Variants in USP49 observed in about 807,000 individuals in gnomAD.
USP49 encodes ubiquitin carboxyl-terminal hydrolase 49.
Under a neutral mutation model 58.6 loss-of-function variants are expected in USP49, and 24 were observed. That is an observed-to-expected ratio of 0.41 (90% CI 0.30 to 0.58). USP49 has a LOEUF of 0.58. Ranked by LOEUF, USP49 falls within the 20% of genes least tolerant of loss-of-function variation. The pLI, the probability that USP49 is intolerant of heterozygous loss-of-function variation, is 0.30. For synonymous variants in USP49, 408 were observed against 365.1 expected (o/e 1.12, Z -1.34); for missense variants, 703 against 866.1 (o/e 0.81, Z 2.36).
intron 3 of USP49, among the ~76,000 whole-genome samples, chr6:41,833,171 C>A (rs1773666305): frequency 6.6e-6 from 1 of 151,966 alleles, no homozygotes. Context: ...TGCCCGCCAC[C>A]ATGCCCGGCG....
chr6:41,876,417 C>CT (rs796968116), intron 2 of USP49, among the ~76,000 whole-genome samples: 52 of 147,618 alleles, frequency 3.5e-4, no homozygotes, highest in African/African-American at 6.2e-4. Context: ...TCTAATTGAA[C>CT]TTTTTTTTTT....
chr6:41,804,317 T>TC (rs1377362147), intron 4 of USP49, among the ~76,000 whole-genome samples: 2 of 152,212 alleles, frequency 1.3e-5, no homozygotes, highest in African/African-American at 4.8e-5. Context: ...CTGCAAGTTA[T>TC]CATGCAGTCA....
chr6:41,825,791 G>A (rs1349876837), intron 3 of USP49, among the ~76,000 whole-genome samples: 1 of 152,082 alleles, frequency 6.6e-6, no homozygotes. Context: ...ACCATTGAAT[G>A]TTTATTATTT....
At chr6:41,893,106 G>C (rs892178070) in intron 1 of USP49, among the ~76,000 whole-genome samples, 3 of 152,124 alleles carry the variant, frequency 2.0e-5, no homozygotes, top group African/African-American at 7.2e-5. Flanking sequence ...CAAAGACCAA[G>C]CTTGCTGCAG....
At chr6:41,863,289 T>C (rs1774254667) in intron 3 of USP49, among the ~76,000 whole-genome samples, 1 of 152,198 alleles carries the variant, frequency 6.6e-6, no homozygotes, top group African/African-American at 2.4e-5. Context: ...AGGCTCTTCA[T>C]TATGATAGCT....
intron 2 of USP49, among the ~76,000 whole-genome samples, chr6:41,885,597 G>C (rs945563144): frequency 6.6e-6 from 1 of 152,066 alleles, no homozygotes; most frequent in Admixed American, 6.6e-5. Context: ...TCAGGAGTTC[G>C]AGATCAGCCT....
At chr6:41,847,965 A>G (rs780089456) in intron 3 of USP49, among the ~76,000 whole-genome samples, 3 of 152,224 alleles carry the variant, frequency 2.0e-5, no homozygotes, top group Non-Finnish European at 4.4e-5. Context: ...TCTAGAGAGG[A>G]TCATAAAGAC....
chr6:41,806,799 C>A lies in USP49; in HGVS notation c.185G>T (p.Gly62Val). The change falls in exon 4 of 8, where the codon GGA becomes GTA. Residue 62 changes from glycine (G) to valine (V), a missense_variant. This residue lies in a region of USP49 where 376 missense variants were observed against 373.5 expected (regional missense o/e 1.01). Transcript: ENST00000682992. This position sits in a 1 kb window ranked among gnomAD's most constrained non-coding sequence, Gnocchi z 5.9. ...DHALKHFEET[G>V]HPLAMEVRDL... ...CCGGACTTCCATGGCTAGCGGGTGT[C>A]CCGTCTCCTCAAAGTGTTTCAGGGC... The A allele has an allele frequency of 6.2e-7, 1 of 1,614,208 alleles. No homozygotes were observed. The highest frequency in any genetic ancestry group is 8.5e-7 in the Non-Finnish European group (1 of 1,180,034).
At chr6:41,853,768 G>A (rs1447386380) in intron 3 of USP49, among the ~76,000 whole-genome samples, 3 of 150,150 alleles carry the variant, frequency 2.0e-5, no homozygotes, top group Admixed American at 6.6e-5. Context: ...AGGCCAAGGC[G>A]GGCAGATCAC....
chr6:41,826,600 T>C (rs551649540), intron 3 of USP49, among the ~76,000 whole-genome samples: 1 of 152,012 alleles, frequency 6.6e-6, no homozygotes, highest in African/African-American at 2.4e-5. Context: ...TGATATAAAA[T>C]GTCTCCAAAA....
chr6:41,875,409 C>G lies in USP49; in HGVS notation c.-102-3772G>C, dbSNP rs1302955609. 3.9e-5 allele frequency among the ~76,000 whole-genome samples: 6 copies of G among 152,164 alleles called. No homozygotes were observed. In the East Asian group the frequency reaches 9.6e-4, roughly 24 times the overall value. ...GTATCTCATCTGTAAGTGTCTTGCC[C>G]TGTAAGCTCCTGGAGGAGAGAAATA... On this transcript the variant is annotated intron_variant, in intron 2 of 7. Coordinates refer to ENST00000682992, the MANE Select transcript of USP49 (RefSeq NM_001286554.2).
intron 5 of USP49, among the ~76,000 whole-genome samples, chr6:41,800,801 G>C (rs1176278685): frequency 6.6e-6 from 1 of 152,146 alleles, no homozygotes; most frequent in Non-Finnish European, 1.5e-5. Flanking sequence ...TTTTTCTTTA[G>C]CATGATTTGC....
chr6:41,826,022 G>C (rs962007932), intron 3 of USP49, among the ~76,000 whole-genome samples: 1 of 152,200 alleles, frequency 6.6e-6, no homozygotes, highest in Non-Finnish European at 1.5e-5. Flanking sequence ...CCGGCACTTT[G>C]GGAGACCGAG....
intron 5 of USP49, among the ~76,000 whole-genome samples, chr6:41,802,250 G>A (rs1314057186): frequency 6.6e-6 from 1 of 151,644 alleles, no homozygotes; most frequent in African/African-American, 2.4e-5. Flanking sequence ...TCAAACTCCT[G>A]GCTTCAGGCA....
intron 3 of USP49, among the ~76,000 whole-genome samples, chr6:41,833,308 G>A (rs1237254974): frequency 1.3e-5 from 2 of 151,984 alleles, no homozygotes; most frequent in Admixed American, 6.6e-5. Flanking sequence ...GAGCCACCAC[G>A]CCCGGCCTTG....
In USP49 at chr6:41,810,318, TA is replaced by T. The variant is rs1411182021; in HGVS notation, c.-28-3308del. Among the ~76,000 whole-genome samples, 29 of 138,758 alleles carry T rather than the reference TA, an allele frequency of 2.1e-4. 1 individual carries two copies. Among genetic ancestry groups the T allele is most frequent in the East Asian group, 4.3e-4 (2 of 4,690 alleles). 91.0% of individuals were successfully genotyped at this position (138,758 alleles called of 152,430 possible). On this transcript the variant is annotated intron_variant, in intron 3 of 7. Coordinates refer to ENST00000682992, the MANE Select transcript of USP49 (RefSeq NM_001286554.2). ...CAACATGGTGAAACCCCGTCTCTAC[TA>T]AAAAAAAAAACACAAAAAAAATTAG... is the stretch of plus-strand genomic sequence containing the variant.
At chr6:41,867,587 CAA>C (rs766568260) in intron 3 of USP49, among the ~76,000 whole-genome samples, 12 of 71,204 alleles carry the variant, frequency 1.7e-4, no homozygotes, top group Admixed American at 3.3e-4. Flanking sequence ...ACTAAAAATA[CAA>C]AAAAAAAAAA....
At chr6:41,886,498 C>T (rs1220349861) in intron 2 of USP49, 2 of 152,216 alleles carry the variant, frequency 1.3e-5, no homozygotes, top group Admixed American at 1.3e-4. Flanking sequence ...ATCTAATTAG[C>T]TCTAACAGGG....
intron 3 of USP49, among the ~76,000 whole-genome samples, chr6:41,851,396 T>C (rs754872060): frequency 1.6e-4 from 25 of 152,104 alleles, no homozygotes; most frequent in Non-Finnish European, 2.8e-4. Context: ...ACCATCTCAA[T>C]TGATGCAAAA....
Sources: allele counts gnomAD v4.1 joint callset (sites outside exome capture counted in the v4.1 genomes callset), GRCh38; gene constraint gnomAD v4.1.1; regional missense constraint gnomAD v4.1.1; non-coding constraint Gnocchi (gnomAD v3.1); transcripts MANE v1.5; gene names NCBI Gene and HGNC (gene_info 2026-07-23, HGNC 2026-07-21).